The following ZFHX3 variants were observed in gnomAD, a reference collection of about 807,000 sequenced individuals.
ZFHX3 encodes the protein zinc finger homeobox protein 3.
Under a neutral mutation model 279.1 loss-of-function variants are expected in ZFHX3, and 42 were observed. That is an observed-to-expected ratio of 0.15 (90% CI 0.12 to 0.19). The LOEUF (loss-of-function observed/expected upper bound fraction) is 0.19. Ranked by LOEUF, ZFHX3 falls within the 10% of genes least tolerant of loss-of-function variation. ZFHX3 has a pLI of 1.00. For synonymous variants in ZFHX3, 2,293 were observed against 1,957.8 expected, an observed-to-expected ratio of 1.17 and a Z score of -4.52; for missense variants, 4,981 against 4,754.0, an observed-to-expected ratio of 1.05 and a Z score of -1.40.
At chr16:73,710,899 T>C (rs1256699773) in intron 1 of ZFHX3, among the ~76,000 whole-genome samples, 1 of 152,208 alleles carries the variant, frequency 6.6e-6, no homozygotes, top group Non-Finnish European at 1.5e-5. Context: ...TCCAACTCTC[T>C]CTAGCCCTCA....
At chr16:73,767,807 T>A (rs544038657) in intron 1 of ZFHX3, among the ~76,000 whole-genome samples, 1 of 152,248 alleles carries the variant, frequency 6.6e-6, no homozygotes, top group South Asian at 2.1e-4. Flanking sequence ...TCTTACGTAA[T>A]CAGCTGATAG....
At chr16:73,044,968 A>C (rs942305995) in intron 1 of ZFHX3, among the ~76,000 whole-genome samples, 1 of 152,074 alleles carries the variant, frequency 6.6e-6, no homozygotes, top group Non-Finnish European at 1.5e-5. Context: ...CCTTTAAATA[A>C]TTCAAGCCAG....
At chr16:72,920,572 C>T (rs1000580945) in intron 3 of ZFHX3, among the ~76,000 whole-genome samples, 11 of 151,720 alleles carry the variant, frequency 7.3e-5, no homozygotes, top group Admixed American at 1.3e-4. Flanking sequence ...GCCTGTAATC[C>T]CAGCTACTCA....
chr16:73,565,140 G>C (rs1442517528), intron 2 of ZFHX3, among the ~76,000 whole-genome samples: 6 of 152,176 alleles, frequency 3.9e-5, no homozygotes, highest in Non-Finnish European at 8.8e-5. Flanking sequence ...TGTAGTCCCA[G>C]CTATTCGGGA....
intron 5 of ZFHX3, among the ~76,000 whole-genome samples, chr16:73,173,012 T>C (rs1460722499): frequency 8.6e-6 from 1 of 116,842 alleles, no homozygotes; most frequent in Non-Finnish European, 1.9e-5. Flanking sequence ...TTTTTTGTTT[T>C]TTTTTTTTTT....
At chr16:72,976,320 G>A (rs541826347) in intron 1 of ZFHX3, among the ~76,000 whole-genome samples, 12 of 152,256 alleles carry the variant, frequency 7.9e-5, no homozygotes, top group African/African-American at 2.2e-4. Flanking sequence ...GGTAAGATTC[G>A]GGGAATCAAA....
intron 4 of ZFHX3, among the ~76,000 whole-genome samples, chr16:72,846,097 C>A (rs912673177): frequency 1.4e-4 from 22 of 152,186 alleles, no homozygotes; most frequent in African/African-American, 5.1e-4. Flanking sequence ...ACAGGAAAGC[C>A]CCTGCTCTCA....
chr16:73,764,267 C>T (rs2053903248), intron 1 of ZFHX3, among the ~76,000 whole-genome samples: 1 of 152,188 alleles, frequency 6.6e-6, no homozygotes, highest in Non-Finnish European at 1.5e-5. Context: ...ACATTGCTTG[C>T]TGCCATCCTG....
At chr16:73,708,721 G>T (rs563239106) in intron 1 of ZFHX3, among the ~76,000 whole-genome samples, 2 of 152,220 alleles carry the variant, frequency 1.3e-5, no homozygotes, top group South Asian at 4.1e-4. Context: ...GTGCATGGGG[G>T]CAGGACAGAA....
At chr16:73,740,709 T>C (rs1026471310) in intron 1 of ZFHX3, among the ~76,000 whole-genome samples, 1 of 152,304 alleles carries the variant, frequency 6.6e-6, no homozygotes, top group Admixed American at 6.5e-5. Context: ...TCTCTTGGGG[T>C]TCAGAACCTG....
chr16:73,115,339 G>C (rs1431299428), intron 7 of ZFHX3, among the ~76,000 whole-genome samples: 1 of 131,170 alleles, frequency 7.6e-6, no homozygotes, highest in Non-Finnish European at 1.5e-5. Flanking sequence ...CTAGGAGTTT[G>C]AGACCAGCCT....
intron 3 of ZFHX3, among the ~76,000 whole-genome samples, chr16:73,416,218 G>T (rs2017578431): frequency 6.6e-6 from 1 of 151,866 alleles, no homozygotes; most frequent in Non-Finnish European, 1.5e-5. Flanking sequence ...AAGTCACACA[G>T]TGAGCACAGA....
chr16:73,154,159 C>T (rs1567404243), intron 5 of ZFHX3, among the ~76,000 whole-genome samples: 1 of 152,172 alleles, frequency 6.6e-6, no homozygotes, highest in Non-Finnish European at 1.5e-5. Context: ...TCTCACTTCC[C>T]TTGGGTATTG....
At chr16:73,518,665 A>G (rs928278169) in intron 2 of ZFHX3, among the ~76,000 whole-genome samples, 2 of 152,150 alleles carry the variant, frequency 1.3e-5, no homozygotes, top group African/African-American at 4.8e-5. Flanking sequence ...TCTAATAACA[A>G]TTTTGAGCAA....
intron 3 of ZFHX3, among the ~76,000 whole-genome samples, chr16:73,334,826 T>C (rs1340848220): frequency 7.1e-6 from 1 of 141,296 alleles, no homozygotes; most frequent in African/African-American, 2.6e-5. Flanking sequence ...TTTTTTTTTT[T>C]TTTTTTTTTT....
chr16:73,127,225 C>T (rs750702711), intron 7 of ZFHX3: 39 of 743,462 alleles, frequency 5.2e-5, no homozygotes, highest in Non-Finnish European at 7.3e-5. Context: ...TGAGCTGTTA[C>T]ACAGCGGTTA....
chr16:73,002,170 C>A (rs1033664634), intron 1 of ZFHX3, among the ~76,000 whole-genome samples: 2 of 152,154 alleles, frequency 1.3e-5, no homozygotes, highest in African/African-American at 2.4e-5. Flanking sequence ...ACATGGAACT[C>A]AAACCCCCGC....
At chr16:73,131,967 T>C (rs751425841) in intron 6 of ZFHX3, among the ~76,000 whole-genome samples, 3 of 152,110 alleles carry the variant, frequency 2.0e-5, no homozygotes, top group Non-Finnish European at 4.4e-5. Context: ...GGTATTATTA[T>C]TGGCTTGATG....
chr16:73,601,299 C>CAAAAAAAAA (rs1217744713), intron 2 of ZFHX3, among the ~76,000 whole-genome samples: 66 of 59,510 alleles, frequency 1.1e-3, no homozygotes, highest in Admixed American at 1.5e-3. Context: ...ACTAAAAATA[C>CAAAAAAAAA]AAAAAAAAAA....
Sources: allele counts gnomAD v4.1 joint callset (sites outside exome capture counted in the v4.1 genomes callset), GRCh38; gene constraint gnomAD v4.1.1; transcripts MANE v1.5; gene names NCBI Gene and HGNC (gene_info 2026-07-23, HGNC 2026-07-21).